CLNK: variants seen among roughly 807,000 people sequenced by gnomAD.
CLNK encodes the protein cytokine-dependent hematopoietic cell linker.
In CLNK, 74 loss-of-function variants were observed where a neutral mutation model predicts 68.6. The ratio of observed to expected loss-of-function variants is 1.08; its 90% CI spans 0.89 to 1.31. The LOEUF (loss-of-function observed/expected upper bound fraction) is 1.31, where lower values mean the gene tolerates loss of function less well. Ranked by LOEUF, CLNK falls within the 50% of genes most tolerant of loss-of-function variation. The pLI is 0.00. For synonymous variants in CLNK, 198 were observed against 172.2 expected, an observed-to-expected ratio of 1.15 and a Z score of -1.17; for missense variants, 553 against 515.3, an observed-to-expected ratio of 1.07 and a Z score of -0.71.
At chr4:10,611,388 T>C (rs932104968) in intron 2 of CLNK, among the ~76,000 whole-genome samples, 1 of 151,336 alleles carries the variant, frequency 6.6e-6, no homozygotes, top group African/African-American at 2.4e-5. Context: ...ATCCCACCTA[T>C]TCAGGAGGCT....
chr4:10,546,557 A>C (rs1198566793), intron 8 of CLNK, among the ~76,000 whole-genome samples: 1 of 152,148 alleles, frequency 6.6e-6, no homozygotes, highest in East Asian at 1.9e-4. Context: ...CACCTATCTA[A>C]TCACTAAGAA....
intron 2 of CLNK, among the ~76,000 whole-genome samples, chr4:10,646,327 A>C (rs565518301): frequency 1.3e-5 from 2 of 152,314 alleles, no homozygotes; most frequent in African/African-American, 4.8e-5. Flanking sequence ...CCAAAAGAGA[A>C]CTAAAGGCTG....
At chr4:10,497,547 C>T (rs943846469) in intron 18 of CLNK, among the ~76,000 whole-genome samples, 2 of 152,240 alleles carry the variant, frequency 1.3e-5, no homozygotes, top group African/African-American at 4.8e-5. Context: ...AGGGTCTAAT[C>T]TATGGCCTGC....
intron 2 of CLNK, among the ~76,000 whole-genome samples, chr4:10,626,192 C>T (rs375489117): frequency 1.3e-5 from 2 of 152,194 alleles, no homozygotes; most frequent in South Asian, 4.1e-4. Context: ...GGGGAAGTGG[C>T]CTCAGAACCC....
intron 8 of CLNK, among the ~76,000 whole-genome samples, chr4:10,546,292 G>A (rs948794904): frequency 6.6e-6 from 1 of 152,064 alleles, no homozygotes; most frequent in East Asian, 1.9e-4. Context: ...ATCAATGTAA[G>A]TTGCCAAAAT....
intron 2 of CLNK, among the ~76,000 whole-genome samples, chr4:10,626,714 T>C (rs1018050205): frequency 1.3e-5 from 2 of 152,196 alleles, no homozygotes; most frequent in African/African-American, 4.8e-5. Flanking sequence ...CTCCATGAAA[T>C]CATATTTGAT....
At chr4:10,679,154 G>T (rs1199865522) in intron 1 of CLNK, among the ~76,000 whole-genome samples, 2 of 152,174 alleles carry the variant, frequency 1.3e-5, no homozygotes, top group Non-Finnish European at 2.9e-5. Flanking sequence ...CATGGTACTG[G>T]TACCAAAACA....
chr4:10,733,950 A>C, the CLNK span, among the ~76,000 whole-genome samples: 1 of 151,924 alleles, frequency 6.6e-6, no homozygotes, highest in South Asian at 2.1e-4. Context: ...GTGCATTTTT[A>C]AAGTTAGTCT....
At chr4:10,513,440 C>T (rs1319953487) in intron 16 of CLNK, 24 bp downstream of exon 16, 1 of 1,603,252 alleles carries the variant, frequency 6.2e-7, no homozygotes, top group Non-Finnish European at 8.5e-7. Flanking sequence ...TCTAGAAGGA[C>T]TTGGCAGAGA....
intron 2 of CLNK, among the ~76,000 whole-genome samples, chr4:10,606,325 G>T (rs1385472804): frequency 1.3e-5 from 2 of 152,106 alleles, no homozygotes; most frequent in South Asian, 2.1e-4. Flanking sequence ...CCACTGGAAG[G>T]TCGTCAGGGG....
intron 8 of CLNK, among the ~76,000 whole-genome samples, chr4:10,551,346 G>T (rs1430207062): frequency 1.3e-5 from 2 of 152,220 alleles, no homozygotes; most frequent in East Asian, 3.9e-4. Context: ...CTTGGTTCCA[G>T]CGATTTTCCT....
At chr4:10,704,523 C>T in the CLNK span, among the ~76,000 whole-genome samples, 1 of 152,168 alleles carries the variant, frequency 6.6e-6, no homozygotes, top group African/African-American at 2.4e-5. Context: ...ATGCTGCAAC[C>T]TCCAGACCTC....
At chr4:10,621,172 C>A (rs1180528737) in intron 2 of CLNK, among the ~76,000 whole-genome samples, 1 of 152,074 alleles carries the variant, frequency 6.6e-6, no homozygotes, top group African/African-American at 2.4e-5. Flanking sequence ...CGCTGCAGGC[C>A]AGACACTTCT....
At chr4:10,709,970 A>C in the CLNK span, among the ~76,000 whole-genome samples, 1 of 152,178 alleles carries the variant, frequency 6.6e-6, no homozygotes, top group Non-Finnish European at 1.5e-5. Context: ...GAACTCCCCA[A>C]GCAACCCTCA....
chr4:10,690,808 C>T, the CLNK span, among the ~76,000 whole-genome samples: 1 of 152,140 alleles, frequency 6.6e-6, no homozygotes, highest in African/African-American at 2.4e-5. Flanking sequence ...CATGAGTCCC[C>T]TTTCAGCTTT....
chr4:10,724,608 G>T, the CLNK span, among the ~76,000 whole-genome samples: 1 of 152,108 alleles, frequency 6.6e-6, no homozygotes, highest in African/African-American at 2.4e-5. Context: ...GTCCAAGGTC[G>T]TGTGAATAAA....
At chr4:10,524,962 G>A (rs1158981211) in intron 14 of CLNK, among the ~76,000 whole-genome samples, 1 of 152,204 alleles carries the variant, frequency 6.6e-6, no homozygotes, top group East Asian at 1.9e-4. Context: ...ACTGGCCGGA[G>A]TGAGATCATG....
At chr4:10,561,257 T>C (rs959777887) in intron 7 of CLNK, among the ~76,000 whole-genome samples, 1 of 152,124 alleles carries the variant, frequency 6.6e-6, no homozygotes, top group African/African-American at 2.4e-5. Context: ...ATGAGACAAC[T>C]CCCCTCTGAA....
At chr4:10,629,097 T>A (rs1362966499) in intron 2 of CLNK, among the ~76,000 whole-genome samples, 2 of 152,192 alleles carry the variant, frequency 1.3e-5, no homozygotes, top group African/African-American at 4.8e-5. Flanking sequence ...CCAGCTCCCA[T>A]GCCCCCATTC....
Sources: allele counts gnomAD v4.1 joint callset (sites outside exome capture counted in the v4.1 genomes callset), GRCh38; gene constraint gnomAD v4.1.1; transcripts MANE v1.5; gene names NCBI Gene and HGNC (gene_info 2026-07-23, HGNC 2026-07-21).